The following DPP9 variants were observed in gnomAD, a reference collection of about 807,000 sequenced individuals.
DPP9 encodes the protein dipeptidyl peptidase 9, also known as dipeptidyl peptidase IV-related protein-2.
In DPP9, 50 loss-of-function variants were observed where a neutral mutation model predicts 110.7. The ratio of observed to expected loss-of-function variants is 0.45; its 90% CI spans 0.36 to 0.57. The LOEUF is 0.57. DPP9 is among the 20% of genes least tolerant of loss of function. The probability of loss-of-function intolerance (pLI) is 0.00; values close to 1 mark genes in which losing one functional copy is unlikely to be tolerated. For missense variants in DPP9, 1,022 were observed against 1,217.9 expected, an observed-to-expected ratio of 0.84 and a Z score of 2.39; for synonymous variants, 561 against 514.4, an observed-to-expected ratio of 1.09 and a Z score of -1.23.
intron 5 of DPP9, among the ~76,000 whole-genome samples, chr19:4,705,215 A>AT (rs1291213580): frequency 6.6e-6 from 1 of 152,110 alleles, no homozygotes; most frequent in Non-Finnish European, 1.5e-5. Flanking sequence ...ATGTTATGTT[A>AT]TTTTTATTGC....
In DPP9 at chr19:4,704,174, T is replaced by C; in HGVS notation, c.557A>G (p.Asn186Ser). Residue 186 changes from asparagine (N) to serine (S), a missense_variant, in exon 6 of 22, where the codon AAC becomes AGC. Coordinates refer to ENST00000262960, the MANE Select transcript of DPP9 (RefSeq NM_139159.5). The surrounding 1 kb of genome is among the most constrained non-coding windows in gnomAD (Gnocchi z 6.0). The part of the protein sequence containing the change: ...ESGLFLFQAS[N>S]SLFHCRDGGK... ...GCCGTCGCGGCAGTGGAAGAGGCTG[T>C]TGCTGGCCTGGAAGAGGAAGAGGCC... 2 of 1,613,890 alleles carry C rather than the reference T, an allele frequency of 1.2e-6. No homozygotes were observed. The highest frequency in any genetic ancestry group is 1.7e-6 in the Non-Finnish European group (2 of 1,179,868).
In DPP9 at chr19:4,683,479, T is replaced by G. The variant is rs1405275467; in HGVS notation, c.2329A>C (p.Lys777Gln). 3.7e-6 allele frequency: 6 copies of G among 1,612,920 alleles called. No homozygotes were observed. The highest frequency in any genetic ancestry group is 4.2e-6 in the Non-Finnish European group (5 of 1,179,832). ...GGCCGGCCAGGGGTGGGACCCACCT[T>G]GAACACCTGGGGCTTGTGGATTAGC... ...MGLIHKPQVF[K>Q]VAIAGAPVTV... Residue 777 changes from lysine to glutamine, a missense_variant and splice_region_variant, in exon 19 of 22, where the codon AAG (lysine) becomes CAG (glutamine). By Grantham distance (53) the Lys-to-Gln change is moderately conservative (BLOSUM62 1). Around this residue, in one of 3 missense-constraint regions of DPP9, gnomAD observed 209 missense variants for 280.4 expected, o/e 0.75. Transcript: ENST00000262960.
At chr19:4,691,000 G>C in intron 13 of DPP9, 43 bp from the exon 14 acceptor site, 2 of 1,520,334 alleles carry the variant, frequency 1.3e-6, no homozygotes, top group Non-Finnish European at 1.8e-6. Context: ...CCTGGGAGGT[G>C]ATGCAGGCGC....
At position 4,676,099 on chromosome 19, in the gene DPP9, T is replaced by G. The variant is rs1272850980; in HGVS notation, c.*465A>C. ...GTCTTTTAAATAATTATGAAAAATA[T>G]CCCCCCAAACAAAACACAAACATCA... On this transcript the variant is annotated 3_prime_UTR_variant, in exon 22 of 22. Transcript: ENST00000262960. This position sits in a 1 kb window ranked among gnomAD's most constrained non-coding sequence, Gnocchi z 4.0. 6.2e-6 allele frequency: 1 copy of G among 162,230 alleles called. No individual in the cohort carries two copies. The highest frequency in any genetic ancestry group is 6.2e-5 in the Admixed American group (1 of 16,222). The allele number at this position is 162,230 out of a possible 1,614,324, so 10.0% of individuals were successfully genotyped here.
chr19:4,683,306 G>C, intron 19 of DPP9, 171 bp downstream of exon 19: 1 of 1,445,454 alleles, frequency 6.9e-7, no homozygotes, highest in African/African-American at 1.4e-5. Flanking sequence ...GAGGAGGGGG[G>C]CTCGGCCCCG....
rs12459107 is a variant in DPP9, at chr19:4,686,342, C to T, written c.1886-571G>A. On this transcript the variant is annotated intron_variant, in intron 16 of 21. Coordinates refer to ENST00000262960, the MANE Select transcript of DPP9 (RefSeq NM_139159.5). Reference sequence around the variant, plus strand: ...TATTTTTTTTTTTTTTTTTTTGAGACGGAGTCTCACTCTGTCACCCAGGCT... The same window carrying T: ...TATTTTTTTTTTTTTTTTTTTGAGATGGAGTCTCACTCTGTCACCCAGGCT... Among the ~76,000 whole-genome samples the T allele has an allele frequency of 6.9e-3, 926 of 134,986 alleles. 46 individuals carry two copies. Among genetic ancestry groups the T allele is most frequent in the Admixed American group, 0.066 (861 of 13,096 alleles). 88.6% of individuals were successfully genotyped at this position (134,986 alleles called of 152,430 possible). A position where few individuals can be genotyped will look rare whatever the true frequency, so the allele number is the denominator to read the frequency against.
At position 4,687,153 on chromosome 19, in the gene DPP9, C is replaced by T. The variant is rs945707732; in HGVS notation, c.1886-1382G>A. ...GCTCCAGCTCCTGGCGGTGTCGGTG[C>T]GGACAGGAGAGTGAGGACTGGGCTC... On this transcript the variant is annotated intron_variant, in intron 16 of 21. Coordinates refer to ENST00000262960, the MANE Select transcript of DPP9 (RefSeq NM_139159.5). The surrounding 1 kb of genome is among the most constrained non-coding windows in gnomAD (Gnocchi z 4.7). Among the ~76,000 whole-genome samples, 30 of 152,158 alleles carry T rather than the reference C, an allele frequency of 2.0e-4. No homozygotes were observed. The highest frequency in any genetic ancestry group is 1.6e-3 in the Admixed American group (24 of 15,282).
rs1024598623 is a variant in DPP9 at position 4,705,856 on chromosome 19, A to G, written c.426+2T>C. The G allele has an allele frequency of 1.2e-6, 2 of 1,613,698 alleles. No homozygotes were observed. Among genetic ancestry groups the G allele is most frequent in the African/African-American group, 2.7e-5 (2 of 75,070 alleles). On this transcript the variant is annotated splice_donor_variant, in intron 5 of 21. Transcript: ENST00000262960. LOFTEE classifies it high-confidence loss of function. ...GGGCCCACGCCTAATAGCACAGCTT[A>G]CCTGGAAATGATCCAGCATCTGCTT...
intron 13 of DPP9, among the ~76,000 whole-genome samples, chr19:4,692,486 G>A (rs1443924214): frequency 6.6e-6 from 1 of 152,092 alleles, no homozygotes; most frequent in Admixed American, 6.5e-5. Context: ...CCCGCGTCCC[G>A]ACGTGTTCCT....
intron 14 of DPP9, 139 bp downstream of exon 14, chr19:4,690,739 G>C (rs1036692283): frequency 9.8e-6 from 7 of 716,574 alleles, no homozygotes; most frequent in Non-Finnish European, 1.7e-5. Flanking sequence ...CCTCACAGGT[G>C]TGTGTGCGTG....
Position 4,704,081 on chromosome 19 carries a change from G to A in DPP9, c.601-27C>T. 1 of 1,613,674 alleles carries A rather than the reference G, an allele frequency of 6.2e-7. No homozygotes were observed. Among genetic ancestry groups the A allele is most frequent in the South Asian group, 1.1e-5 (1 of 91,090 alleles). ...TGAGGACAGAGACGCCCAGCTCAGG[G>A]GGAGGGGCCCTCCACGCCACCCCCG... On this transcript the variant is annotated intron_variant, in intron 6 of 21. Transcript: ENST00000262960. The surrounding 1 kb of genome is among the most constrained non-coding windows in gnomAD (Gnocchi z 6.0).
intron 20 of DPP9, among the ~76,000 whole-genome samples, chr19:4,680,235 CAAAA>C (rs71168922): frequency 2.1e-4 from 15 of 70,860 alleles, no homozygotes; most frequent in African/African-American, 7.1e-4. Context: ...GACAGCATCT[CAAAA>C]AAAAAAAAAA....
At chr19:4,721,897 G>A (rs1235642205) in intron 2 of DPP9, among the ~76,000 whole-genome samples, 2 of 152,202 alleles carry the variant, frequency 1.3e-5, no homozygotes, top group African/African-American at 2.4e-5. Flanking sequence ...GGTGAAAAGC[G>A]TGGGCTCTGG....
chr19:4,712,239 T>C (rs895186747), intron 4 of DPP9, among the ~76,000 whole-genome samples: 7 of 152,064 alleles, frequency 4.6e-5, no homozygotes, highest in South Asian at 2.1e-4. Flanking sequence ...CAGACTAGAG[T>C]TGGCCAGCAT....
At chr19:4,722,300 G>A (rs890033967) in intron 2 of DPP9, 199 bp downstream of exon 2, 2 of 565,652 alleles carry the variant, frequency 3.5e-6, no homozygotes, top group South Asian at 4.4e-5. Context: ...TCCTTCCAGG[G>A]GCAGCTAGAG....
At chr19:4,708,373 G>T (rs1392230385) in intron 4 of DPP9, among the ~76,000 whole-genome samples, 2 of 152,172 alleles carry the variant, frequency 1.3e-5, no homozygotes, top group East Asian at 3.8e-4. Flanking sequence ...GGCATTTAGG[G>T]TTCCTTTCTT....
intron 4 of DPP9, among the ~76,000 whole-genome samples, chr19:4,713,128 A>C (rs2092911063): frequency 6.6e-6 from 1 of 152,238 alleles, no homozygotes; most frequent in South Asian, 2.1e-4. Flanking sequence ...AACGCTGCTC[A>C]GGACCCTGCA....
At chr19:4,705,642 G>T (rs140828689) in intron 5 of DPP9, among the ~76,000 whole-genome samples, 1 of 152,372 alleles carries the variant, frequency 6.6e-6, no homozygotes, top group East Asian at 1.9e-4. Context: ...CCGTTAAAAG[G>T]AAGAGATGCT....
chr19:4,688,695 C>CT, intron 16 of DPP9, 62 bp downstream of exon 16: 1 of 1,362,776 alleles, frequency 7.3e-7, no homozygotes, highest in East Asian at 3.1e-5. Flanking sequence ...GCATGGGGCC[C>CT]TCGTCCCGTT....
Sources: allele counts gnomAD v4.1 joint callset (sites outside exome capture counted in the v4.1 genomes callset), GRCh38; gene constraint gnomAD v4.1.1; regional missense constraint gnomAD v4.1.1; non-coding constraint Gnocchi (gnomAD v3.1); transcripts MANE v1.5; gene names NCBI Gene and HGNC (gene_info 2026-07-23, HGNC 2026-07-21).